MROH1: variants seen among roughly 807,000 people sequenced by gnomAD.
MROH1 encodes maestro heat like repeat family member 1.
MROH1 carries 117 observed loss-of-function variants against 116.5 expected under a neutral mutation model. The ratio of observed to expected loss-of-function variants is 1.00; its 90% CI spans 0.86 to 1.17. The LOEUF (loss-of-function observed/expected upper bound fraction) is 1.17. Ranked by LOEUF, MROH1 falls within the 50% of genes most tolerant of loss-of-function variation. The pLI is 0.00. For synonymous variants in MROH1, 921 were observed against 583.9 expected, an observed-to-expected ratio of 1.58 and a Z score of -8.32; for missense variants, 1,873 against 1,338.5, an observed-to-expected ratio of 1.40 and a Z score of -6.23.
chr8:144,259,685 G>A (rs1474303665), intron 37 of MROH1, among the ~76,000 whole-genome samples: 2 of 152,266 alleles, frequency 1.3e-5, no homozygotes, highest in African/African-American at 2.4e-5. Context: ...GGCCAAAGAT[G>A]CCAAAATCTT....
chr8:144,159,419 GTTCCTTGCAT>G (rs1307200529), intron 1 of MROH1, among the ~76,000 whole-genome samples: 2 of 152,130 alleles, frequency 1.3e-5, no homozygotes, highest in African/African-American at 4.8e-5. Context: ...TTGGTCTATT[GTTCCTTGCAT>G]TTTTATTAGT....
At chr8:144,211,206 C>T (rs1371979352) in intron 12 of MROH1, among the ~76,000 whole-genome samples, 1 of 152,206 alleles carries the variant, frequency 6.6e-6, no homozygotes, top group East Asian at 1.9e-4. Context: ...GACTCAAGCT[C>T]AGTCCCTTGG....
intron 7 of MROH1, among the ~76,000 whole-genome samples, chr8:144,186,025 T>G (rs558700089): frequency 6.6e-6 from 1 of 152,082 alleles, no homozygotes; most frequent in Non-Finnish European, 1.5e-5. Context: ...GAGTGCCACT[T>G]CCCAGGCAGT....
Position 144,185,080 on chromosome 8 carries a change from G to A in MROH1, c.562+4557G>A, listed in dbSNP as rs569417918. On this transcript the variant is annotated intron_variant, in intron 7 of 43. Transcript: ENST00000326134. The stretch of plus-strand genomic sequence containing the variant: ...GCCTCTTGCCCTTTTCTCTGTCGGG[G>A]AGGGAAGTGTCTTGTAGCTTTAGGG... 3.9e-5 allele frequency among the ~76,000 whole-genome samples: 6 copies of A among 152,352 alleles called. No homozygotes were observed. In the South Asian group the frequency reaches 1.2e-3, roughly 32 times the overall value.
chr8:144,249,009 G>A lies in MROH1; in HGVS notation c.3253G>A (p.Gly1085Ser). Residue 1085 changes from glycine (G) to serine (S), a missense_variant, in exon 32 of 44, where the codon GGC becomes AGC. By Grantham distance (56) the Gly-to-Ser change is moderately conservative (BLOSUM62 0). Coordinates refer to ENST00000326134, the MANE Select transcript of MROH1 (RefSeq NM_032450.3). ...VMINCLLQER[G>S]GVLQEKVPEI... ...GATCAACTGCCTGCTGCAGGAGCGG[G>A]GCGGTGTGCTCCAGGAGAAGGTGGG... 1.4e-6 allele frequency: 1 copy of A among 720,788 alleles called. No homozygotes were observed. Among genetic ancestry groups the A allele is most frequent in the Non-Finnish European group, 2.6e-6 (1 of 386,582 alleles). The allele number at this position is 720,788 out of a possible 1,614,324, so 44.6% of individuals were successfully genotyped here. A position where few individuals can be genotyped will look rare whatever the true frequency, so the allele number is the denominator to read the frequency against.
chr8:144,166,016 C>G (rs2130926123), intron 3 of MROH1, among the ~76,000 whole-genome samples: 1 of 152,120 alleles, frequency 6.6e-6, no homozygotes, highest in Non-Finnish European at 1.5e-5. Context: ...GTAGCTGGGA[C>G]TATAGGTACC....
At chr8:144,199,034 C>T in intron 10 of MROH1, 88 bp from the exon 11 acceptor site, 2 of 1,298,478 alleles carry the variant, frequency 1.5e-6, no homozygotes, top group Non-Finnish European at 2.2e-6. Context: ...GCCTTCTGCC[C>T]AGCTGCCCAG....
rs745906494 is a variant in MROH1 at position 144,190,835 on chromosome 8, G to A, written c.614G>A (p.Arg205Gln). 99 of 1,613,652 alleles carry A rather than the reference G, an allele frequency of 6.1e-5. No homozygotes were observed. The highest frequency in any genetic ancestry group is 2.0e-4 in the East Asian group (9 of 44,884). ...CTGGAGTACCTAGCCAACCTGGACCGAGCCCCAGACCCCACGGTCAGGAAG... is the reference window on the plus strand; with the variant it reads ...CTGGAGTACCTAGCCAACCTGGACCAAGCCCCAGACCCCACGGTCAGGAAG... ...GALEYLANLDRAPDPTVRKDA... is the reference protein window; with the variant it reads ...GALEYLANLDQAPDPTVRKDA... The change falls in exon 8 of 44, where the codon CGA becomes CAA. Residue 205 changes from arginine to glutamine, a missense_variant. Coordinates refer to ENST00000326134, the MANE Select transcript of MROH1 (RefSeq NM_032450.3).
chr8:144,232,579 C>T (rs1281564222), intron 14 of MROH1, among the ~76,000 whole-genome samples: 10 of 151,834 alleles, frequency 6.6e-5, no homozygotes, highest in African/African-American at 2.2e-4. Flanking sequence ...CGGCAACCTC[C>T]GCCTCCCGGG....
chr8:144,228,145 G>A (rs1302892279), intron 14 of MROH1, among the ~76,000 whole-genome samples: 1 of 151,994 alleles, frequency 6.6e-6, no homozygotes, highest in Admixed American at 6.6e-5. Context: ...TGAGGTGGGA[G>A]GATTGCTTGA....
intron 7 of MROH1, among the ~76,000 whole-genome samples, chr8:144,186,814 C>T (rs1338096337): frequency 2.6e-5 from 4 of 152,146 alleles, no homozygotes; most frequent in Admixed American, 1.3e-4. Flanking sequence ...CAGGCTAGGC[C>T]GGGCGCGGTG....
Position 144,261,785 on chromosome 8 carries a change from T to A in MROH1, c.*45T>A. 1 of 701,750 alleles carries A rather than the reference T, an allele frequency of 1.4e-6. No homozygotes were observed. The highest frequency in any genetic ancestry group is 1.5e-5 in the South Asian group (1 of 67,518). The allele number at this position is 701,750 out of a possible 1,614,324, so 43.5% of individuals were successfully genotyped here. A position where few individuals can be genotyped will look rare whatever the true frequency, so the allele number is the denominator to read the frequency against. On this transcript the variant is annotated 3_prime_UTR_variant, in exon 44 of 44. Transcript: ENST00000326134. ...AGCGAGGAGTATGCACCCAGACCTGTGCCTGAGCTCCAAGACAGGGCCTCC... is the reference window on the plus strand; with the variant it reads ...AGCGAGGAGTATGCACCCAGACCTGAGCCTGAGCTCCAAGACAGGGCCTCC...
intron 35 of MROH1, among the ~76,000 whole-genome samples, chr8:144,257,910 C>G (rs1333900062): frequency 1.3e-5 from 2 of 152,244 alleles, no homozygotes; most frequent in Admixed American, 1.3e-4. Flanking sequence ...CGGAAAGCCA[C>G]ATGGCAGGGG....
intron 12 of MROH1, among the ~76,000 whole-genome samples, chr8:144,215,324 T>C (rs1834997142): frequency 2.0e-5 from 3 of 152,132 alleles, no homozygotes; most frequent in African/African-American, 4.8e-5. Context: ...ACCTTAACAC[T>C]ATAGGAAATG....
At chr8:144,150,144 G>C (rs1423340669) in intron 1 of MROH1, among the ~76,000 whole-genome samples, 3 of 152,166 alleles carry the variant, frequency 2.0e-5, no homozygotes, top group African/African-American at 7.2e-5. Flanking sequence ...TCTGTTGTGG[G>C]CACAGGTGTG....
chr8:144,197,417 CTTTTTTTTTTTTTTTT>C lies in MROH1; in HGVS notation c.949-1684_949-1669del, dbSNP rs79749774. Among the ~76,000 whole-genome samples the C allele has an allele frequency of 5.2e-4, 22 of 42,460 alleles. 1 individual carries two copies. The highest frequency in any genetic ancestry group is 1.7e-3 in the African/African-American group (13 of 7,652). 27.9% of individuals were successfully genotyped at this position (42,460 alleles called of 152,430 possible). A position where few individuals can be genotyped will look rare whatever the true frequency, so the allele number is the denominator to read the frequency against. Reference sequence around the variant, plus strand: ...AAGAGTGGGCAGGAAGCTGCAGCATCTTTTTTTTTTTTTTTTTTTTTTTTTTTTTTTTTTTTGAGAC... The same window carrying C: ...AAGAGTGGGCAGGAAGCTGCAGCATCTTTTTTTTTTTTTTTTTTTTGAGAC... On this transcript the variant is annotated intron_variant, in intron 10 of 43. Transcript: ENST00000326134.
At chr8:144,188,253 A>G (rs1027596446) in intron 7 of MROH1, among the ~76,000 whole-genome samples, 3 of 152,182 alleles carry the variant, frequency 2.0e-5, no homozygotes, top group African/African-American at 7.2e-5. Context: ...AAGAATTACC[A>G]AAGAAGATAC....
chr8:144,174,416 A>G (rs1823284288), intron 4 of MROH1, among the ~76,000 whole-genome samples: 1 of 151,638 alleles, frequency 6.6e-6, no homozygotes, highest in Admixed American at 6.6e-5. Flanking sequence ...GGCCAAAAGT[A>G]TGGTACTTAT....
chr8:144,188,537 G>C (rs1827790503), intron 7 of MROH1, among the ~76,000 whole-genome samples: 1 of 135,712 alleles, frequency 7.4e-6, no homozygotes, highest in African/African-American at 2.9e-5. Flanking sequence ...CGTGATCTCA[G>C]CTCACTGCAA....
Sources: allele counts gnomAD v4.1 joint callset (sites outside exome capture counted in the v4.1 genomes callset), GRCh38; gene constraint gnomAD v4.1.1; transcripts MANE v1.5; gene names NCBI Gene and HGNC (gene_info 2026-07-23, HGNC 2026-07-21).